LHFPL3: variants seen among roughly 807,000 people sequenced by gnomAD.
LHFPL3 encodes LHFPL tetraspan subfamily member 3 protein.
LHFPL3 carries 5 observed loss-of-function variants against 19.3 expected under a neutral mutation model. The observed-to-expected ratio is 0.26, with a 90% CI of 0.14 to 0.54. The LOEUF is 0.54. Among genes scored for constraint, LHFPL3 ranks in the 20% least tolerant of loss-of-function variants. The pLI is 0.94. For missense variants in LHFPL3, 249 were observed against 307.4 expected, an observed-to-expected ratio of 0.81 and a Z score of 1.42; for synonymous variants, 133 against 126.2, an observed-to-expected ratio of 1.05 and a Z score of -0.36.
chr7:104,700,903 T>G (rs1329383532), intron 1 of LHFPL3, among the ~76,000 whole-genome samples: 1 of 152,198 alleles, frequency 6.6e-6, no homozygotes, highest in Non-Finnish European at 1.5e-5. Context: ...TACCAATTTA[T>G]CTCCAGGCCT....
intron 1 of LHFPL3, among the ~76,000 whole-genome samples, chr7:104,495,770 A>T (rs144058886): frequency 4.6e-5 from 7 of 151,894 alleles, no homozygotes; most frequent in Admixed American, 4.6e-4. Flanking sequence ...TGATTCTCTC[A>T]CCTCAACCCC....
intron 1 of LHFPL3, among the ~76,000 whole-genome samples, chr7:104,674,952 A>G (rs554967774): frequency 1.4e-4 from 22 of 152,344 alleles, no homozygotes; most frequent in African/African-American, 5.0e-4. Flanking sequence ...TCATTCAACT[A>G]TGCTGTAGGG....
chr7:104,514,655 T>C (rs1036023438), intron 1 of LHFPL3, among the ~76,000 whole-genome samples: 1 of 152,176 alleles, frequency 6.6e-6, no homozygotes, highest in Non-Finnish European at 1.5e-5. Context: ...AGCTGGAAAC[T>C]GGTGTGAACT....
intron 2 of LHFPL3, among the ~76,000 whole-genome samples, chr7:104,857,462 G>A (rs1473221703): frequency 6.6e-6 from 1 of 152,172 alleles, no homozygotes; most frequent in African/African-American, 2.4e-5. Flanking sequence ...GATACAAGAT[G>A]AATAAATGTG....
intron 1 of LHFPL3, among the ~76,000 whole-genome samples, chr7:104,348,915 G>C (rs781510518): frequency 6.6e-5 from 10 of 152,126 alleles, no homozygotes; most frequent in Non-Finnish European, 1.3e-4. Context: ...GGCTGATCAG[G>C]CAAAGTCTAA....
At chr7:104,434,973 T>C (rs1286486552) in intron 1 of LHFPL3, among the ~76,000 whole-genome samples, 1 of 152,198 alleles carries the variant, frequency 6.6e-6, no homozygotes, top group Non-Finnish European at 1.5e-5. Context: ...TTTTTAAGTA[T>C]ATTAAGGGTT....
intron 1 of LHFPL3, among the ~76,000 whole-genome samples, chr7:104,357,051 T>C (rs1790293579): frequency 6.6e-6 from 1 of 152,072 alleles, no homozygotes; most frequent in South Asian, 2.1e-4. Flanking sequence ...ATTGAGTAAA[T>C]AGTCTGTGAG....
At chr7:104,701,902 A>G (rs1793110946) in intron 1 of LHFPL3, among the ~76,000 whole-genome samples, 1 of 152,106 alleles carries the variant, frequency 6.6e-6, no homozygotes, top group South Asian at 2.1e-4. Context: ...GTTCTGGGAT[A>G]CATGTGCAGA....
intron 1 of LHFPL3, among the ~76,000 whole-genome samples, chr7:104,430,965 AC>A (rs1280394869): frequency 6.6e-6 from 1 of 152,150 alleles, no homozygotes; most frequent in Non-Finnish European, 1.5e-5. Flanking sequence ...ATACATACAG[AC>A]CAGATGATAA....
intron 1 of LHFPL3, among the ~76,000 whole-genome samples, chr7:104,681,029 T>C (rs1164095352): frequency 1.3e-5 from 2 of 152,206 alleles, no homozygotes; most frequent in African/African-American, 4.8e-5. Flanking sequence ...TTTGAACAGA[T>C]TGTGTTAAAT....
chr7:104,369,207 C>T (rs1465722758), intron 1 of LHFPL3, among the ~76,000 whole-genome samples: 1 of 152,168 alleles, frequency 6.6e-6, no homozygotes, highest in African/African-American at 2.4e-5. Flanking sequence ...AGTCTGTGTG[C>T]ACTCAGTAGT....
intron 2 of LHFPL3, among the ~76,000 whole-genome samples, chr7:104,891,477 C>A (rs370585715): frequency 1.3e-5 from 2 of 152,276 alleles, no homozygotes; most frequent in East Asian, 3.9e-4. Flanking sequence ...CAGCATTAAT[C>A]CATCATGACC....
chr7:104,424,651 T>A (rs1791802200), intron 1 of LHFPL3, among the ~76,000 whole-genome samples: 1 of 152,178 alleles, frequency 6.6e-6, no homozygotes, highest in Non-Finnish European at 1.5e-5. Flanking sequence ...AAGTCGGGGA[T>A]GCTGCTGACT....
rs551602316 is a variant in LHFPL3, at chr7:104,681,238, G to A, written c.446-55437G>A. Among the ~76,000 whole-genome samples, 55 of 150,634 alleles carry A rather than the reference G, an allele frequency of 3.7e-4. No homozygotes were observed. In the South Asian group the frequency reaches 8.6e-3, roughly 24 times the overall value. On this transcript the variant is annotated intron_variant, in intron 1 of 2. Coordinates refer to ENST00000424859, the MANE Select transcript of LHFPL3 (RefSeq NM_199000.3). ...CCCTTGTAAAATGTAAGGCACATGAGGACAGGGATTTTATCTGACTTATTT... is the reference window on the plus strand; with the variant it reads ...CCCTTGTAAAATGTAAGGCACATGAAGACAGGGATTTTATCTGACTTATTT...
chr7:104,700,607 G>A (rs529280798), intron 1 of LHFPL3, among the ~76,000 whole-genome samples: 1 of 152,318 alleles, frequency 6.6e-6, no homozygotes, highest in South Asian at 2.1e-4. Flanking sequence ...CTTGCAAATA[G>A]GCTTTTGTGT....
intron 1 of LHFPL3, among the ~76,000 whole-genome samples, chr7:104,457,437 A>G (rs1792568958): frequency 2.0e-5 from 3 of 152,190 alleles, no homozygotes. Flanking sequence ...CCTACAAAGG[A>G]CATGAACTCA....
chr7:104,509,047 C>T (rs1040423731), intron 1 of LHFPL3, among the ~76,000 whole-genome samples: 1 of 151,904 alleles, frequency 6.6e-6, no homozygotes, highest in Non-Finnish European at 1.5e-5. Context: ...ACAACTCAAG[C>T]AATATGAATT....
At chr7:104,544,030 TAAAGTA>T (rs569603650) in intron 1 of LHFPL3, among the ~76,000 whole-genome samples, 60 of 150,764 alleles carry the variant, frequency 4.0e-4, no homozygotes, top group African/African-American at 1.3e-3. Flanking sequence ...TCCCAGAACT[TAAAGTA>T]AAATTAAAAA....
At chr7:104,548,182 TTC>T (rs1364371572) in intron 1 of LHFPL3, among the ~76,000 whole-genome samples, 1 of 152,202 alleles carries the variant, frequency 6.6e-6, no homozygotes, top group African/African-American at 2.4e-5. Context: ...CCATGAAATT[TTC>T]TTTCAGATAA....
Sources: allele counts gnomAD v4.1 joint callset (sites outside exome capture counted in the v4.1 genomes callset), GRCh38; gene constraint gnomAD v4.1.1; transcripts MANE v1.5; gene names NCBI Gene and HGNC (gene_info 2026-07-23, HGNC 2026-07-21).